DLGAP4: variants seen among roughly 807,000 people sequenced by gnomAD.
The protein encoded by DLGAP4 is disks large-associated protein 4.
Under a neutral mutation model 86.9 loss-of-function variants are expected in DLGAP4, and 18 were observed. That is an observed-to-expected ratio of 0.21 (90% confidence interval 0.14 to 0.31). DLGAP4 has a LOEUF of 0.31. Ranked by LOEUF, DLGAP4 falls within the 10% of genes least tolerant of loss-of-function variation. The pLI is 1.00. For missense variants in DLGAP4, 1,085 were observed against 1,362.6 expected (o/e 0.80, Z 3.21); for synonymous variants, 548 against 574.3 (o/e 0.95, Z 0.65).
chr20:36,340,884 C>A (rs969345438), intron 1 of DLGAP4, among the ~76,000 whole-genome samples: 1 of 152,170 alleles, frequency 6.6e-6, no homozygotes, highest in South Asian at 2.1e-4. Context: ...AGGCACCACT[C>A]GTAGCTTTGA....
chr20:36,522,591 G>C (rs2037444246), intron 10 of DLGAP4, among the ~76,000 whole-genome samples: 3 of 152,216 alleles, frequency 2.0e-5, no homozygotes, highest in Admixed American at 2.0e-4. Flanking sequence ...GCGTGATCTT[G>C]GCTCACTGCA....
At chr20:36,318,106 T>TCACA (rs1156543199) in intron 1 of DLGAP4, among the ~76,000 whole-genome samples, 2,793 of 139,158 alleles carry the variant, frequency 0.02, 73 homozygotes, top group African/African-American at 0.061. Context: ...ATGTGTCCTC[T>TCACA]CACACACACA....
intron 2 of DLGAP4, among the ~76,000 whole-genome samples, chr20:36,384,726 A>C (rs147431407): frequency 6.6e-6 from 1 of 152,244 alleles, no homozygotes; most frequent in African/African-American, 2.4e-5. Flanking sequence ...TTGGAACCTC[A>C]TAGAACTTCC....
intron 10 of DLGAP4, among the ~76,000 whole-genome samples, chr20:36,517,100 T>C (rs1255476507): frequency 6.7e-6 from 1 of 148,938 alleles, no homozygotes; most frequent in African/African-American, 2.5e-5. Flanking sequence ...AAGAAAAGGC[T>C]GGACGCAGTG....
chr20:36,330,982 A>G (rs2065261700), intron 1 of DLGAP4, among the ~76,000 whole-genome samples: 1 of 152,204 alleles, frequency 6.6e-6, no homozygotes, highest in Admixed American at 6.5e-5. Flanking sequence ...TATGAGTATC[A>G]TCATCCACCA....
chr20:36,462,897 C>T (rs1028646940), intron 7 of DLGAP4, among the ~76,000 whole-genome samples: 6 of 151,948 alleles, frequency 3.9e-5, no homozygotes, highest in African/African-American at 1.5e-4. Context: ...TGTGGGCAGG[C>T]CGGGCTATTT....
chr20:36,345,438 A>G (rs2074382990), intron 1 of DLGAP4, among the ~76,000 whole-genome samples: 1 of 152,222 alleles, frequency 6.6e-6, no homozygotes, highest in Admixed American at 6.5e-5. Flanking sequence ...CTCTGGGGCC[A>G]GCTGGCCTAA....
At chr20:36,462,478 C>A in intron 7 of DLGAP4, 2 of 1,572,668 alleles carry the variant, frequency 1.3e-6, no homozygotes, top group South Asian at 1.2e-5. Context: ...CAGCCCTAGC[C>A]CCCTGTCTCC....
At chr20:36,355,560 G>A (rs1444666011) in intron 1 of DLGAP4, among the ~76,000 whole-genome samples, 3 of 152,154 alleles carry the variant, frequency 2.0e-5, no homozygotes, top group Non-Finnish European at 4.4e-5. Flanking sequence ...GCCTCCCAAA[G>A]TATTGGGATT....
intron 2 of DLGAP4, among the ~76,000 whole-genome samples, chr20:36,376,786 C>A (rs900486693): frequency 6.6e-6 from 1 of 152,156 alleles, no homozygotes; most frequent in Non-Finnish European, 1.5e-5. Flanking sequence ...CAGGGTCCCG[C>A]GTCTCTTCCC....
At chr20:36,462,499 G>A (rs1358803690) in intron 7 of DLGAP4, 1 of 1,596,636 alleles carries the variant, frequency 6.3e-7, no homozygotes, top group Middle Eastern at 1.7e-4. Context: ...CCTTCTCTCT[G>A]CTCCTTGTCT....
At chr20:36,401,788 G>C (rs2032169034) in intron 2 of DLGAP4, among the ~76,000 whole-genome samples, 2 of 152,220 alleles carry the variant, frequency 1.3e-5, no homozygotes, top group East Asian at 3.8e-4. Flanking sequence ...GAGAAAAAGA[G>C]GGAGCACCCA....
chr20:36,491,030 TAAAA>T (rs757935259), intron 7 of DLGAP4, among the ~76,000 whole-genome samples: 1 of 101,438 alleles, frequency 9.9e-6, no homozygotes, highest in Non-Finnish European at 2.0e-5. Context: ...CCATCTCTAC[TAAAA>T]AAAAAAAAAA....
In DLGAP4 at chr20:36,306,934, G is replaced by C. The variant is rs1432652253; in HGVS notation, c.-304+422G>C. On this transcript the variant is annotated intron_variant, in intron 1 of 12. Transcript: ENST00000339266. The surrounding 1 kb of genome is among the most constrained non-coding windows in gnomAD (Gnocchi z 4.9). Reference sequence around the variant, plus strand: ...CCGCAGGGCGGCCTGGGGGTCAGGCGGACCCCTCCCGTGCCCGGCCAACCT... The same window carrying C: ...CCGCAGGGCGGCCTGGGGGTCAGGCCGACCCCTCCCGTGCCCGGCCAACCT... Among the ~76,000 whole-genome samples, 3 of 152,134 alleles carry C rather than the reference G, an allele frequency of 2.0e-5. No individual in the cohort carries two copies. Among genetic ancestry groups the C allele is most frequent in the African/African-American group, 7.2e-5 (3 of 41,450 alleles).
Position 36,328,698 on chromosome 20 carries a change from G to A in DLGAP4, c.-304+22186G>A, listed in dbSNP as rs1030232786. Among the ~76,000 whole-genome samples, 61 of 151,756 alleles carry A rather than the reference G, an allele frequency of 4.0e-4. 1 individual carries two copies. Among genetic ancestry groups the A allele is most frequent in the African/African-American group, 1.4e-3 (58 of 41,302 alleles). On this transcript the variant is annotated intron_variant, in intron 1 of 12. Transcript: ENST00000339266. ...GGCTGGAGTGCAGTGGTGCGATTTCGTCTCACTGCAACCTCCACCTCCTGG... is the reference window on the plus strand; with the variant it reads ...GGCTGGAGTGCAGTGGTGCGATTTCATCTCACTGCAACCTCCACCTCCTGG...
chr20:36,370,409 C>G (rs1293306654), intron 2 of DLGAP4, among the ~76,000 whole-genome samples: 2 of 151,720 alleles, frequency 1.3e-5, no homozygotes, highest in African/African-American at 4.8e-5. Flanking sequence ...TCACTTGAGC[C>G]CAGGAGGCAG....
At chr20:36,454,464 C>T (rs1032165431) in intron 7 of DLGAP4, among the ~76,000 whole-genome samples, 5 of 152,080 alleles carry the variant, frequency 3.3e-5, no homozygotes, top group Admixed American at 1.3e-4. Flanking sequence ...CAGTATAAAA[C>T]TTGTACAACC....
chr20:36,495,790 G>A (rs1402219006), intron 7 of DLGAP4, among the ~76,000 whole-genome samples: 1 of 152,220 alleles, frequency 6.6e-6, no homozygotes, highest in African/African-American at 2.4e-5. Flanking sequence ...TAACGAGAAA[G>A]TGTTGGGGTG....
chr20:36,443,908 G>A (rs1418649759), intron 6 of DLGAP4, among the ~76,000 whole-genome samples: 1 of 152,170 alleles, frequency 6.6e-6, no homozygotes, highest in Admixed American at 6.6e-5. Context: ...CTGAAATGGG[G>A]ACTATTGCCC....
Sources: allele counts gnomAD v4.1 joint callset (sites outside exome capture counted in the v4.1 genomes callset), GRCh38; gene constraint gnomAD v4.1.1; non-coding constraint Gnocchi (gnomAD v3.1); transcripts MANE v1.5; gene names NCBI Gene and HGNC (gene_info 2026-07-23, HGNC 2026-07-21).